Variants in CFAP69 observed in about 807,000 individuals in gnomAD.
CFAP69 encodes the protein cilia and flagella associated protein 69.
In CFAP69, 92 loss-of-function variants were observed where a neutral mutation model predicts 123.0. That is an observed-to-expected ratio of 0.75 (90% CI 0.63 to 0.89). The LOEUF (loss-of-function observed/expected upper bound fraction) is 0.89. CFAP69 is among the 40% of genes least tolerant of loss of function. CFAP69 has a pLI of 0.00. For synonymous variants in CFAP69, 380 were observed against 364.3 expected (o/e 1.04, Z -0.49); for missense variants, 1,067 against 1,096.9 (o/e 0.97, Z 0.39).
chr7:90,272,542 G>C (rs918211039), intron 8 of CFAP69, among the ~76,000 whole-genome samples: 5 of 152,128 alleles, frequency 3.3e-5, no homozygotes, highest in African/African-American at 1.2e-4. Context: ...TTCAGAAGAA[G>C]ATCAGTCAGC....
intron 15 of CFAP69, among the ~76,000 whole-genome samples, chr7:90,296,019 C>T (rs1195825891): frequency 1.3e-5 from 2 of 152,144 alleles, no homozygotes; most frequent in African/African-American, 2.4e-5. Flanking sequence ...CCTTAATAAC[C>T]TGTATCTGTG....
chr7:90,245,657 G>C, intron 1 of CFAP69, 113 bp downstream of exon 1: 1 of 1,288,824 alleles, frequency 7.8e-7, no homozygotes, highest in Non-Finnish European at 1.0e-6. Context: ...GTGAAGATGG[G>C]GGAAGCCGCG....
chr7:90,319,144 C>A, the CFAP69 span: 1 of 358,242 alleles, frequency 2.8e-6, no homozygotes, highest in Non-Finnish European at 5.0e-6. Flanking sequence ...TATTATATTC[C>A]AAGATCATTT....
chr7:90,263,435 A>G (rs529193431), intron 4 of CFAP69, among the ~76,000 whole-genome samples: 6 of 152,282 alleles, frequency 3.9e-5, no homozygotes, highest in Admixed American at 3.3e-4. Flanking sequence ...ATGGCATTAG[A>G]AGTATAATGC....
rs765024106 is a variant in CFAP69 at position 90,271,939 on chromosome 7, A to C, written c.841A>C (p.Ser281Arg). 2.5e-6 allele frequency: 4 copies of C among 1,611,854 alleles called. No homozygotes were observed. Among genetic ancestry groups the C allele is most frequent in the Non-Finnish European group, 3.4e-6 (4 of 1,179,102 alleles). ...AAAAGAAGAAGTCATACAACAGCTT[A>C]GTAACTTGGAATGTTTGCTGTAAGC... ...SSKEEVIQQLSNLECLLALKE... is the reference protein window; with the variant it reads ...SSKEEVIQQLRNLECLLALKE... The change falls in exon 8 of 23, where the codon AGT becomes CGT. Residue 281 changes from serine (S) to arginine (R), a missense_variant. Physicochemically the swap from Ser to Arg is moderately radical, Grantham distance 110. Transcript: ENST00000389297.
chr7:90,278,643 A>C (rs1233512172), intron 11 of CFAP69, among the ~76,000 whole-genome samples: 2 of 152,132 alleles, frequency 1.3e-5, no homozygotes, highest in Non-Finnish European at 2.9e-5. Flanking sequence ...AACAGAGCCA[A>C]GTAGCACAGA....
intron 1 of CFAP69, among the ~76,000 whole-genome samples, chr7:90,250,402 T>A (rs973748265): frequency 2.0e-5 from 3 of 152,198 alleles, no homozygotes; most frequent in Non-Finnish European, 4.4e-5. Flanking sequence ...GTGCTACCTT[T>A]ACTTGGTAGA....
intron 15 of CFAP69, among the ~76,000 whole-genome samples, chr7:90,294,977 T>C (rs1791721499): frequency 6.6e-6 from 1 of 152,118 alleles, no homozygotes; most frequent in Non-Finnish European, 1.5e-5. Context: ...GACCTGCCCA[T>C]TGGTGCCAAC....
At chr7:90,290,857 G>A (rs1791078236) in intron 15 of CFAP69, among the ~76,000 whole-genome samples, 1 of 150,238 alleles carries the variant, frequency 6.7e-6, no homozygotes, top group African/African-American at 2.5e-5. Context: ...AGGGGACACA[G>A]GAAAGTGACC....
chr7:90,295,378 G>A (rs1038954380), intron 15 of CFAP69, among the ~76,000 whole-genome samples: 14 of 152,108 alleles, frequency 9.2e-5, no homozygotes, highest in Admixed American at 9.2e-4. Flanking sequence ...ACTCCCCTAA[G>A]TTGACCTCTA....
At chr7:90,245,654 T>TG (rs1400346682) in intron 1 of CFAP69, 110 bp downstream of exon 1, 3 of 1,296,688 alleles carry the variant, frequency 2.3e-6, no homozygotes, top group Middle Eastern at 2.4e-4. Flanking sequence ...GGAGTGAAGA[T>TG]GGGGGAAGCC....
At chr7:90,275,590 CTTTTTTT>C (rs57578763) in intron 9 of CFAP69, among the ~76,000 whole-genome samples, 6 of 62,072 alleles carry the variant, frequency 9.7e-5, no homozygotes, top group South Asian at 7.7e-4. Context: ...GGCCAAAAGC[CTTTTTTT>C]TTTTTTTTTT....
At chr7:90,321,117 C>G in the CFAP69 span, 6 of 152,290 alleles carry the variant, frequency 3.9e-5, no homozygotes, top group Admixed American at 6.5e-5. Context: ...GACCCACTTC[C>G]CGAGGCAGGC....
intron 12 of CFAP69, among the ~76,000 whole-genome samples, chr7:90,281,482 G>A (rs1789484231): frequency 6.6e-6 from 1 of 152,158 alleles, no homozygotes; most frequent in Admixed American, 6.6e-5. Context: ...TATATGAAAG[G>A]TTGGCTTTAT....
chr7:90,294,634 G>GT (rs1489569882), intron 15 of CFAP69, among the ~76,000 whole-genome samples: 4 of 151,732 alleles, frequency 2.6e-5, no homozygotes, highest in African/African-American at 7.3e-5. Flanking sequence ...TCCAGTTTTA[G>GT]TTTTTTGGGG....
chr7:90,307,828 A>G lies in CFAP69; in HGVS notation c.2524A>G (p.Arg842Gly). 6.2e-7 allele frequency: 1 copy of G among 1,612,076 alleles called. No homozygotes were observed. Among genetic ancestry groups the G allele is most frequent in the Non-Finnish European group, 8.5e-7 (1 of 1,178,676 alleles). The part of the protein sequence containing the change: ...ANKSWEDFLA[R>G]TSNAKTLKKA... The stretch of plus-strand genomic sequence containing the variant: ...TAAATCATGGGAAGATTTCTTGGCT[A>G]GAACATCAAACGCTAAAACGTTAAA... The change falls in exon 21 of 23, where the codon AGA (arginine) becomes GGA (glycine). Residue 842 changes from arginine to glycine, a missense_variant. Coordinates refer to ENST00000389297, the MANE Select transcript of CFAP69 (RefSeq NM_001039706.3).
At chr7:90,302,434 C>G (rs1395148204) in intron 17 of CFAP69, 1 of 152,156 alleles carries the variant, frequency 6.6e-6, no homozygotes, top group Non-Finnish European at 1.5e-5. Flanking sequence ...AGGTTGTCTT[C>G]CAGGGTTCTT....
chr7:90,271,516 T>C lies in CFAP69; in HGVS notation c.533-10T>C, dbSNP rs752971587. ...ATAACTGTATGTATTTATTAATGAA[T>C]TGTTGTTAGGTTACCAGCAAGCGAG... On this transcript the variant is annotated splice_polypyrimidine_tract_variant and intron_variant, in intron 6 of 22. Coordinates refer to ENST00000389297, the MANE Select transcript of CFAP69 (RefSeq NM_001039706.3). The C allele has an allele frequency of 1.2e-6, 2 of 1,605,386 alleles. No individual in the cohort carries two copies. Among genetic ancestry groups the C allele is most frequent in the South Asian group, 1.1e-5 (1 of 89,240 alleles).
At chr7:90,281,893 A>G (rs1447641094) in intron 12 of CFAP69, among the ~76,000 whole-genome samples, 2 of 152,182 alleles carry the variant, frequency 1.3e-5, no homozygotes, top group Non-Finnish European at 2.9e-5. Flanking sequence ...GAACTCCTAT[A>G]TATCAATAAG....
Sources: gnomAD v4.1 joint callset for allele counts (sites outside exome capture counted in the v4.1 genomes callset) on GRCh38, gnomAD v4.1.1 for gene constraint, MANE v1.5 for transcripts, NCBI Gene and HGNC (gene_info 2026-07-23, HGNC 2026-07-21) for gene names.